SNX3: variants seen among roughly 807,000 people sequenced by gnomAD.
The protein encoded by SNX3 is sorting nexin 3, also known as sorting nexin-3.
In SNX3, 5 loss-of-function variants were observed where a neutral mutation model predicts 17.7. The observed-to-expected ratio is 0.28, with a 90% confidence interval of 0.15 to 0.59. SNX3 has a LOEUF of 0.59. Among genes scored for constraint, SNX3 ranks in the 20% least tolerant of loss-of-function variants. SNX3 has a pLI of 0.88. For missense variants in SNX3, 132 were observed against 206.8 expected, an observed-to-expected ratio of 0.64 and a Z score of 2.22; for synonymous variants, 91 against 76.5, an observed-to-expected ratio of 1.19 and a Z score of -0.99.
chr6:108,256,737 T>C (rs1299628071), intron 1 of SNX3, among the ~76,000 whole-genome samples: 5 of 152,238 alleles, frequency 3.3e-5, no homozygotes, highest in African/African-American at 1.2e-4. Context: ...ATTAAAGTTA[T>C]ATTACAGCAC....
intron 1 of SNX3, among the ~76,000 whole-genome samples, chr6:108,231,197 T>C (rs953242325): frequency 6.6e-6 from 1 of 151,864 alleles, no homozygotes; most frequent in Non-Finnish European, 1.5e-5. Flanking sequence ...CTCCGCCTCC[T>C]GCCTCAGCCT....
chr6:108,240,627 C>T (rs1454125492), intron 1 of SNX3, among the ~76,000 whole-genome samples: 1 of 152,198 alleles, frequency 6.6e-6, no homozygotes, highest in African/African-American at 2.4e-5. Context: ...ACCATCACTG[C>T]TGGAGGGGGG....
At chr6:108,249,235 G>C (rs982795136) in intron 1 of SNX3, among the ~76,000 whole-genome samples, 3 of 151,984 alleles carry the variant, frequency 2.0e-5, no homozygotes, top group Non-Finnish European at 4.4e-5. Context: ...ATCATTAAAT[G>C]ATGATACTGT....
chr6:108,220,263 G>A (rs1038048039), intron 2 of SNX3, among the ~76,000 whole-genome samples: 3 of 149,908 alleles, frequency 2.0e-5, no homozygotes, highest in Non-Finnish European at 4.5e-5. Context: ...TCATTCACTC[G>A]CCACATACTA....
Position 108,241,311 on chromosome 6 carries a change from G to A in SNX3, c.163-18266C>T, listed in dbSNP as rs148497892. Among the ~76,000 whole-genome samples the A allele has an allele frequency of 1.9e-3, 289 of 152,156 alleles. 2 individuals are homozygous for A. Among genetic ancestry groups the A allele is most frequent in the African/African-American group, 6.6e-3 (275 of 41,524 alleles). ...GACGGCACGAAGTAAAAGCTGGGGC[G>A]AACTTGTAAACTGCCTGAACTTTGA... On this transcript the variant is annotated intron_variant, in intron 1 of 3. Coordinates refer to ENST00000230085, the MANE Select transcript of SNX3 (RefSeq NM_003795.6).
intron 3 of SNX3, among the ~76,000 whole-genome samples, chr6:108,214,185 C>T (rs1163134896): frequency 1.3e-5 from 2 of 152,114 alleles, no homozygotes; most frequent in African/African-American, 2.4e-5. Context: ...CTAGAACATA[C>T]CTTAAATCAG....
intron 1 of SNX3, 118 bp downstream of exon 1, chr6:108,260,642 C>T: frequency 8.3e-7 from 1 of 1,206,460 alleles, no homozygotes; most frequent in African/African-American, 1.5e-5. Flanking sequence ...CCCGCCTCTG[C>T]AAGGGGGCTC....
At chr6:108,216,934 C>G (rs1774603119) in intron 2 of SNX3, among the ~76,000 whole-genome samples, 1 of 152,170 alleles carries the variant, frequency 6.6e-6, no homozygotes, top group Non-Finnish European at 1.5e-5. Flanking sequence ...GATCTCACCC[C>G]CATGTTAACA....
chr6:108,260,767 C>T lies in SNX3; in HGVS notation c.155G>A (p.Arg52Lys), dbSNP rs1294429578. ...GRGRFTTYEIRVKTNLPIFKL... is the reference protein window; with the variant it reads ...GRGRFTTYEIKVKTNLPIFKL... ...GGGGAGAGACGGCCTCACCTTGACC[C>T]TGATTTCGTAAGTGGTGAAGCGGCC... The change falls in exon 1 of 4, where the codon AGG (arginine) becomes AAG (lysine). Residue 52 changes from arginine (R) to lysine (K), a missense_variant. Transcript: ENST00000230085. 1.2e-6 allele frequency: 2 copies of T among 1,613,672 alleles called. No individual in the cohort carries two copies. The highest frequency in any genetic ancestry group is 1.7e-6 in the Non-Finnish European group (2 of 1,179,816).
chr6:108,215,869 CTGGAG>C (rs1222127124), intron 2 of SNX3, among the ~76,000 whole-genome samples: 1 of 152,004 alleles, frequency 6.6e-6, no homozygotes, highest in Non-Finnish European at 1.5e-5. Flanking sequence ...GAGTTCAGGA[CTGGAG>C]TGAACTAAAA....
At chr6:108,234,264 A>C (rs1194792077) in intron 1 of SNX3, among the ~76,000 whole-genome samples, 1 of 143,546 alleles carries the variant, frequency 7.0e-6, no homozygotes, top group Non-Finnish European at 1.5e-5. Flanking sequence ...TAACATATAC[A>C]TGTGACAGCT....
intron 3 of SNX3, among the ~76,000 whole-genome samples, chr6:108,214,057 A>T (rs1178058336): frequency 6.6e-6 from 1 of 152,232 alleles, no homozygotes; most frequent in Admixed American, 6.5e-5. Context: ...TACATTTTCA[A>T]AAGAATACAT....
At chr6:108,250,763 A>C (rs1346184312) in intron 1 of SNX3, among the ~76,000 whole-genome samples, 1 of 152,218 alleles carries the variant, frequency 6.6e-6, no homozygotes, top group African/African-American at 2.4e-5. Flanking sequence ...GAAAGCAAAC[A>C]AGCTATAGGT....
At chr6:108,238,812 G>A (rs1775431657) in intron 1 of SNX3, among the ~76,000 whole-genome samples, 1 of 152,048 alleles carries the variant, frequency 6.6e-6, no homozygotes, top group Non-Finnish European at 1.5e-5. Flanking sequence ...ATGGGGTGGG[G>A]GGAAAATGCA....
chr6:108,233,796 C>A lies in SNX3; in HGVS notation c.163-10751G>T, dbSNP rs149751772. Reference sequence around the variant, plus strand: ...GAGGGTAGGAACTTGGGAATTTGTACAATCACCAAGTAATTCTGGTTTAGC... The same window carrying A: ...GAGGGTAGGAACTTGGGAATTTGTAAAATCACCAAGTAATTCTGGTTTAGC... On this transcript the variant is annotated intron_variant, in intron 1 of 3. Transcript: ENST00000230085. 3.2e-3 allele frequency among the ~76,000 whole-genome samples: 488 copies of A among 152,242 alleles called. 3 individuals carry two copies. Among genetic ancestry groups the A allele is most frequent in the African/African-American group, 0.011 (472 of 41,540 alleles).
At chr6:108,238,101 C>CAAAAAAAAAAAAAAAAAAAAAAAAA (rs11287104) in intron 1 of SNX3, among the ~76,000 whole-genome samples, 1 of 85,436 alleles carries the variant, frequency 1.2e-5, no homozygotes, top group Non-Finnish European at 2.2e-5. Context: ...GATCCTGTCT[C>CAAAAAAAAAAAAAAAAAAAAAAAAA]AAAAAAAAAA....
chr6:108,214,367 A>T, intron 3 of SNX3, 131 bp downstream of exon 3: 1 of 791,982 alleles, frequency 1.3e-6, no homozygotes, highest in Non-Finnish European at 2.0e-6. Flanking sequence ...AGATACTTTT[A>T]CTTTGTTTAA....
chr6:108,216,352 C>T (rs1367748144), intron 2 of SNX3, among the ~76,000 whole-genome samples: 2 of 152,208 alleles, frequency 1.3e-5, no homozygotes, highest in African/African-American at 2.4e-5. Flanking sequence ...ATAGCACCCC[C>T]AGCTGAGACA....
rs575676271 is a variant in SNX3, at chr6:108,251,220, T to G, written c.162+9540A>C. On this transcript the variant is annotated intron_variant, in intron 1 of 3. Coordinates refer to ENST00000230085, the MANE Select transcript of SNX3 (RefSeq NM_003795.6). ...ATGAAAGAATCAAAACTTACTCACT[T>G]AAGACTTCCAAACTAATGAAAGTAC... 7.9e-5 allele frequency among the ~76,000 whole-genome samples: 12 copies of G among 152,278 alleles called. No individual in the cohort carries two copies. In the East Asian group the frequency reaches 2.3e-3, roughly 29 times the overall value.
Sources: allele counts gnomAD v4.1 joint callset (sites outside exome capture counted in the v4.1 genomes callset), GRCh38; gene constraint gnomAD v4.1.1; transcripts MANE v1.5; gene names NCBI Gene and HGNC (gene_info 2026-07-23, HGNC 2026-07-21).